KCNAB1: variants seen among roughly 807,000 people sequenced by gnomAD.
KCNAB1 encodes potassium voltage-gated channel subfamily A regulatory beta subunit 1.
KCNAB1 carries 35 observed loss-of-function variants against 64.6 expected under a neutral mutation model. The ratio of observed to expected loss-of-function variants is 0.54; its 90% CI spans 0.41 to 0.72. The LOEUF (loss-of-function observed/expected upper bound fraction) is 0.72, where lower values mean the gene tolerates loss of function less well. KCNAB1 is among the 30% of genes least tolerant of loss of function. The pLI is 0.00. For missense variants in KCNAB1, 401 were observed against 512.9 expected, an observed-to-expected ratio of 0.78 and a Z score of 2.11; for synonymous variants, 177 against 183.8, an observed-to-expected ratio of 0.96 and a Z score of 0.30.
At chr3:156,366,508 T>C (rs1049591421) in intron 1 of KCNAB1, among the ~76,000 whole-genome samples, 2 of 152,182 alleles carry the variant, frequency 1.3e-5, no homozygotes, top group Non-Finnish European at 2.9e-5. Flanking sequence ...CCTAAGCTTG[T>C]GGGGCTTGAT....
At position 156,435,145 on chromosome 3, in the gene KCNAB1, A is replaced by G. The variant is rs376415695; in HGVS notation, c.319+13486A>G. 2.6e-5 allele frequency among the ~76,000 whole-genome samples: 4 copies of G among 152,238 alleles called. No homozygotes were observed. The South Asian group carries it at 6.2e-4, about 24-fold the overall frequency. ...TACCATAGAGAGTCATCAAACATCT[A>G]GAAGCCCCAGGGAAAACGGGCAGGG... On this transcript the variant is annotated intron_variant, in intron 2 of 13. Coordinates refer to ENST00000490337, the MANE Select transcript of KCNAB1 (RefSeq NM_172160.3).
At chr3:156,530,227 G>T (rs1007847545) in intron 12 of KCNAB1, among the ~76,000 whole-genome samples, 14 of 152,252 alleles carry the variant, frequency 9.2e-5, no homozygotes, top group African/African-American at 2.4e-4. Flanking sequence ...TATGAATCAA[G>T]TCCAAGAAAA....
At chr3:156,436,460 T>C (rs1559883718) in intron 2 of KCNAB1, among the ~76,000 whole-genome samples, 1 of 152,194 alleles carries the variant, frequency 6.6e-6, no homozygotes, top group Non-Finnish European at 1.5e-5. Flanking sequence ...TCAAATGGTA[T>C]TTCTGGATCT....
chr3:156,516,833 G>T (rs561491018), intron 11 of KCNAB1, among the ~76,000 whole-genome samples: 1 of 152,296 alleles, frequency 6.6e-6, no homozygotes, highest in East Asian at 1.9e-4. Context: ...ACTTTTTATT[G>T]TGTGTTGGGG....
At chr3:156,255,545 A>G (rs1023779764) in intron 1 of KCNAB1, among the ~76,000 whole-genome samples, 1 of 150,946 alleles carries the variant, frequency 6.6e-6, no homozygotes, top group East Asian at 1.9e-4. Context: ...TTCCTCTTAC[A>G]CTCTCTTTTA....
intron 1 of KCNAB1, chr3:156,176,769 G>C (rs1712401782): frequency 7.8e-6 from 7 of 892,026 alleles, no homozygotes; most frequent in Middle Eastern, 4.5e-4. Context: ...CGGAGGTCCT[G>C]CTTGCAGCAA....
chr3:156,279,743 T>G (rs1031041155), intron 1 of KCNAB1, among the ~76,000 whole-genome samples: 2 of 152,174 alleles, frequency 1.3e-5, no homozygotes, highest in African/African-American at 4.8e-5. Flanking sequence ...TTTCATTTGT[T>G]TTTTGGCTGC....
At chr3:156,167,397 ATTG>A (rs1484439082) in intron 1 of KCNAB1, among the ~76,000 whole-genome samples, 1 of 152,172 alleles carries the variant, frequency 6.6e-6, no homozygotes, top group Non-Finnish European at 1.5e-5. Context: ...CAATACAGTT[ATTG>A]TTACGATCAA....
intron 1 of KCNAB1, among the ~76,000 whole-genome samples, chr3:156,194,636 C>T (rs1713778041): frequency 6.6e-6 from 1 of 152,154 alleles, no homozygotes; most frequent in African/African-American, 2.4e-5. Context: ...TGAAAGTTTT[C>T]AGCCATTCCA....
chr3:156,314,856 A>G (rs777024916), intron 1 of KCNAB1, among the ~76,000 whole-genome samples: 5 of 152,176 alleles, frequency 3.3e-5, no homozygotes, highest in Non-Finnish European at 5.9e-5. Context: ...TCTACTGAAA[A>G]TACAAAAATT....
intron 1 of KCNAB1, among the ~76,000 whole-genome samples, chr3:156,408,846 T>A (rs1296182235): frequency 6.6e-6 from 1 of 152,164 alleles, no homozygotes; most frequent in East Asian, 1.9e-4. Context: ...AAGTATGTGT[T>A]TATGTTCACC....
chr3:156,214,870 G>A (rs182045183), intron 1 of KCNAB1, among the ~76,000 whole-genome samples: 1 of 152,140 alleles, frequency 6.6e-6, no homozygotes, highest in Non-Finnish European at 1.5e-5. Context: ...GTGTTTGCAC[G>A]AAACACATCA....
chr3:156,155,787 A>G (rs1715678031), intron 1 of KCNAB1, among the ~76,000 whole-genome samples: 2 of 152,240 alleles, frequency 1.3e-5, no homozygotes, highest in African/African-American at 4.8e-5. Context: ...AGAAGGACTC[A>G]CAGAACTCAG....
chr3:156,250,819 C>T (rs576195880), intron 1 of KCNAB1, among the ~76,000 whole-genome samples: 1 of 152,294 alleles, frequency 6.6e-6, no homozygotes, highest in Admixed American at 6.5e-5. Context: ...CTCTCAATGC[C>T]CAGGCTATCA....
intron 1 of KCNAB1, among the ~76,000 whole-genome samples, chr3:156,127,640 G>A (rs950191570): frequency 6.6e-5 from 10 of 152,136 alleles, no homozygotes; most frequent in African/African-American, 2.4e-4. Flanking sequence ...GAGGGTTAGG[G>A]TTGCCATGGC....
chr3:156,520,304 G>A (rs903311887), intron 11 of KCNAB1, among the ~76,000 whole-genome samples: 3 of 152,194 alleles, frequency 2.0e-5, no homozygotes, highest in Non-Finnish European at 2.9e-5. Context: ...TTATAGGCCA[G>A]GTGTGGTGGC....
intron 1 of KCNAB1, among the ~76,000 whole-genome samples, chr3:156,329,478 C>G (rs1723192573): frequency 6.6e-6 from 1 of 152,058 alleles, no homozygotes; most frequent in Admixed American, 6.6e-5. Context: ...GAGAACCCCC[C>G]AACAGCTGGG....
intron 1 of KCNAB1, among the ~76,000 whole-genome samples, chr3:156,304,615 G>T (rs1216990111): frequency 6.6e-6 from 1 of 152,218 alleles, no homozygotes; most frequent in Non-Finnish European, 1.5e-5. Flanking sequence ...TTGTTGGCAT[G>T]TGGCAGTGGA....
At chr3:156,287,259 G>A (rs1176529106) in intron 1 of KCNAB1, among the ~76,000 whole-genome samples, 3 of 148,422 alleles carry the variant, frequency 2.0e-5, no homozygotes, top group African/African-American at 7.4e-5. Context: ...AATTCCACAT[G>A]TTACATAACA....
Sources: allele counts gnomAD v4.1 joint callset (sites outside exome capture counted in the v4.1 genomes callset), GRCh38; gene constraint gnomAD v4.1.1; transcripts MANE v1.5; gene names NCBI Gene and HGNC (gene_info 2026-07-23, HGNC 2026-07-21).